DIS3L2: variants seen among roughly 807,000 people sequenced by gnomAD.
DIS3L2 encodes the protein DIS3 like 3'-5' exoribonuclease 2.
A neutral mutation model predicts 97.5 loss-of-function variants in DIS3L2; 34 were observed. The ratio of observed to expected loss-of-function variants is 0.35; its 90% CI spans 0.27 to 0.46. The LOEUF (loss-of-function observed/expected upper bound fraction) is 0.46, where lower values mean the gene tolerates loss of function less well. DIS3L2 is among the 20% of genes least tolerant of loss of function. The pLI, the probability that DIS3L2 is intolerant of heterozygous loss-of-function variation, is 1.00. For missense variants in DIS3L2, 1,038 were observed against 1,146.0 expected, an observed-to-expected ratio of 0.91 and a Z score of 1.36; for synonymous variants, 435 against 445.2, an observed-to-expected ratio of 0.98 and a Z score of 0.29.
rs190190035 is a variant in DIS3L2, at chr2:232,030,151, G to T, written c.366+71G>T. On this transcript the variant is annotated intron_variant, in intron 5 of 20. Coordinates refer to ENST00000325385, the MANE Select transcript of DIS3L2 (RefSeq NM_152383.5). ...TCACATTCCATGGTGCACCAACAAG[G>T]CATCATAAACTGGAGGAGTCACAGA... The T allele has an allele frequency of 2.1e-5, 29 of 1,382,732 alleles. No homozygotes were observed. In the Admixed American group the frequency reaches 4.4e-4, roughly 21 times the overall value. The allele number at this position is 1,382,732 out of a possible 1,614,324, so 85.7% of individuals were successfully genotyped here.
At chr2:232,101,647 T>C (rs1294128464) in intron 6 of DIS3L2, among the ~76,000 whole-genome samples, 1 of 152,226 alleles carries the variant, frequency 6.6e-6, no homozygotes, top group Non-Finnish European at 1.5e-5. Flanking sequence ...AGTTGGTAAG[T>C]ATACTTTAAG....
intron 6 of DIS3L2, among the ~76,000 whole-genome samples, chr2:232,118,578 T>C (rs1000823253): frequency 6.6e-6 from 1 of 152,240 alleles, no homozygotes; most frequent in African/African-American, 2.4e-5. Context: ...TAGCAACTGT[T>C]GTGCAGAAGG....
chr2:232,090,350 CT>C (rs1330502262), intron 6 of DIS3L2, among the ~76,000 whole-genome samples: 4 of 152,084 alleles, frequency 2.6e-5, no homozygotes, highest in African/African-American at 9.7e-5. Context: ...ATATTACTTC[CT>C]TAGTAGCCCT....
intron 5 of DIS3L2, among the ~76,000 whole-genome samples, chr2:232,061,874 A>T (rs1410851341): frequency 6.6e-6 from 1 of 152,152 alleles, no homozygotes; most frequent in Non-Finnish European, 1.5e-5. Context: ...TCTTTCCCTC[A>T]CCACTCCTTA....
intron 8 of DIS3L2, among the ~76,000 whole-genome samples, chr2:232,145,633 T>G (rs1690197349): frequency 6.6e-6 from 1 of 152,200 alleles, no homozygotes; most frequent in Admixed American, 6.5e-5. Flanking sequence ...TTTTTTGATG[T>G]GTTAATAAGT....
intron 1 of DIS3L2, among the ~76,000 whole-genome samples, chr2:232,000,983 C>A (rs1382890388): frequency 2.0e-5 from 3 of 151,854 alleles, no homozygotes; most frequent in Non-Finnish European, 4.4e-5. Context: ...GATTCCGTAT[C>A]TTGGCTATTG....
chr2:232,028,080 C>G (rs1008098985), intron 4 of DIS3L2, among the ~76,000 whole-genome samples: 1 of 152,144 alleles, frequency 6.6e-6, no homozygotes, highest in Non-Finnish European at 1.5e-5. Flanking sequence ...CCAAAGGGAA[C>G]TGTTCCATCA....
chr2:232,322,875 C>T (rs548409505), intron 14 of DIS3L2, among the ~76,000 whole-genome samples: 36 of 152,360 alleles, frequency 2.4e-4, no homozygotes, highest in African/African-American at 6.5e-4. Context: ...CTTAAGTCTG[C>T]GATGGCCCAG....
At chr2:232,265,049 TC>T in intron 13 of DIS3L2, among the ~76,000 whole-genome samples, 1 of 152,354 alleles carries the variant, frequency 6.6e-6, no homozygotes, top group African/African-American at 2.4e-5. Flanking sequence ...ATACCTACTT[TC>T]CTTCCTTTAA....
At chr2:232,335,001 A>G (rs941778068) in intron 19 of DIS3L2, 23 of 471,064 alleles carry the variant, frequency 4.9e-5, no homozygotes, top group Non-Finnish European at 8.9e-5. Flanking sequence ...CAGGGTGTGC[A>G]GGCTTTGGGG....
chr2:232,110,345 A>G (rs948271040), intron 6 of DIS3L2, among the ~76,000 whole-genome samples: 3 of 152,230 alleles, frequency 2.0e-5, no homozygotes, highest in Non-Finnish European at 2.9e-5. Flanking sequence ...ATTACTTGAT[A>G]TATACCCAAA....
chr2:232,012,258 G>A (rs1216381215), intron 1 of DIS3L2, among the ~76,000 whole-genome samples: 1 of 152,134 alleles, frequency 6.6e-6, no homozygotes, highest in African/African-American at 2.4e-5. Flanking sequence ...AGCTGCCAGA[G>A]TTACAATGAC....
chr2:232,000,093 A>G (rs1458390683), intron 1 of DIS3L2, among the ~76,000 whole-genome samples: 1 of 152,222 alleles, frequency 6.6e-6, no homozygotes, highest in Admixed American at 6.5e-5. Context: ...ACATTTGCAT[A>G]TAACCTATGC....
intron 1 of DIS3L2, among the ~76,000 whole-genome samples, chr2:232,001,975 C>T (rs1693923614): frequency 1.3e-5 from 2 of 152,144 alleles, no homozygotes; most frequent in African/African-American, 4.8e-5. Context: ...CCCGCCTTGG[C>T]CTCCCAAAGT....
At chr2:231,993,292 C>T (rs1693635411) in intron 1 of DIS3L2, among the ~76,000 whole-genome samples, 2 of 152,098 alleles carry the variant, frequency 1.3e-5, no homozygotes, top group South Asian at 4.2e-4. Flanking sequence ...TGGCTTACTG[C>T]AACCCCTGCC....
intron 14 of DIS3L2, among the ~76,000 whole-genome samples, chr2:232,320,311 T>C (rs1695394439): frequency 6.6e-6 from 1 of 152,176 alleles, no homozygotes; most frequent in Admixed American, 6.5e-5. Context: ...CAGGGGGTGA[T>C]AAGACGAGCG....
intron 13 of DIS3L2, among the ~76,000 whole-genome samples, chr2:232,287,683 C>T (rs1433204195): frequency 1.3e-5 from 2 of 152,142 alleles, no homozygotes; most frequent in Non-Finnish European, 2.9e-5. Flanking sequence ...TGAGCCACCT[C>T]ACCCAGCCCC....
chr2:232,270,717 A>C (rs1693964164), intron 13 of DIS3L2, among the ~76,000 whole-genome samples: 1 of 152,266 alleles, frequency 6.6e-6, no homozygotes, highest in South Asian at 2.1e-4. Context: ...ACTGAAACAT[A>C]TTGCCACATT....
rs143591089 is a variant in DIS3L2 at position 232,321,607 on chromosome 2, G to A, written c.1740-8206G>A. On this transcript the variant is annotated intron_variant, in intron 14 of 20. Transcript: ENST00000325385. ...AGGAGAGGCTGCACAGGGCGCCTTCGGCAGTGACGCGAAACCAAGAGCAGG... is the reference window on the plus strand; with the variant it reads ...AGGAGAGGCTGCACAGGGCGCCTTCAGCAGTGACGCGAAACCAAGAGCAGG... Among the ~76,000 whole-genome samples, 814 of 152,202 alleles carry A rather than the reference G, an allele frequency of 5.3e-3. 10 individuals carry two copies. The highest frequency in any genetic ancestry group is 0.018 in the African/African-American group (748 of 41,546).
Sources: gnomAD v4.1 joint callset for allele counts (sites outside exome capture counted in the v4.1 genomes callset) on GRCh38, gnomAD v4.1.1 for gene constraint, MANE v1.5 for transcripts, NCBI Gene and HGNC (gene_info 2026-07-23, HGNC 2026-07-21) for gene names.